FMN2: variants seen among roughly 807,000 people sequenced by gnomAD.
FMN2 encodes the protein formin-2.
Under a neutral mutation model 142.3 loss-of-function variants are expected in FMN2, and 51 were observed. The observed-to-expected ratio is 0.36, with a 90% confidence interval of 0.29 to 0.45. The LOEUF (loss-of-function observed/expected upper bound fraction) is 0.45, where lower values mean the gene tolerates loss of function less well. Ranked by LOEUF, FMN2 falls within the 20% of genes least tolerant of loss-of-function variation. The probability of loss-of-function intolerance (pLI) is 1.00; values close to 1 mark genes in which losing one functional copy is unlikely to be tolerated. For synonymous variants in FMN2, 882 were observed against 869.8 expected, an observed-to-expected ratio of 1.01 and a Z score of -0.25; for missense variants, 1,936 against 2,122.8, an observed-to-expected ratio of 0.91 and a Z score of 1.73.
intron 1 of FMN2, among the ~76,000 whole-genome samples, chr1:240,117,457 A>G (rs1036385691): frequency 6.6e-6 from 1 of 152,228 alleles, no homozygotes; most frequent in African/African-American, 2.4e-5. Context: ...CTGCGCCGAA[A>G]CAGGTCGTGG....
At chr1:240,181,312 A>C (rs185411101) in intron 3 of FMN2, among the ~76,000 whole-genome samples, 1 of 152,180 alleles carries the variant, frequency 6.6e-6, no homozygotes, top group East Asian at 1.9e-4. Flanking sequence ...CCTTTTTTCC[A>C]GCTCTTAAAA....
At chr1:240,143,208 A>T in intron 2 of FMN2, 1 of 1,590,858 alleles carries the variant, frequency 6.3e-7, no homozygotes, top group Non-Finnish European at 8.6e-7. Flanking sequence ...CACCATGCCC[A>T]TGGCAAAAAT....
At chr1:240,440,207 C>T (rs1294104921) in intron 16 of FMN2, among the ~76,000 whole-genome samples, 2 of 152,070 alleles carry the variant, frequency 1.3e-5, no homozygotes, top group Non-Finnish European at 2.9e-5. Context: ...TCGCTTTCTT[C>T]TGCTAGCATA....
Position 240,206,782 on chromosome 1 carries a change from T to C in FMN2, c.1987-17T>C. Reference sequence around the variant, plus strand: ...CTTATTTCATAACTAACTGTGTCTGTCCTTGTCGCCCTTCAGGAAGTTGTT... The same window carrying C: ...CTTATTTCATAACTAACTGTGTCTGCCCTTGTCGCCCTTCAGGAAGTTGTT... On this transcript the variant is annotated splice_polypyrimidine_tract_variant and intron_variant, in intron 4 of 17. Coordinates refer to ENST00000319653, the MANE Select transcript of FMN2 (RefSeq NM_020066.5). 1 of 1,599,502 alleles carries C rather than the reference T, an allele frequency of 6.3e-7. No individual in the cohort carries two copies. The highest frequency in any genetic ancestry group is 8.6e-7 in the Non-Finnish European group (1 of 1,169,404).
Position 240,372,957 on chromosome 1 carries a change from C to T in FMN2, c.4858+17049C>T, listed in dbSNP as rs182054789. 1.4e-4 allele frequency among the ~76,000 whole-genome samples: 22 copies of T among 152,214 alleles called. No homozygotes were observed. In the South Asian group the frequency reaches 1.7e-3, roughly 11 times the overall value. On this transcript the variant is annotated intron_variant, in intron 14 of 17. Transcript: ENST00000319653. ...ATCCCAGCACTCTGGGAGGCTGAGG[C>T]GGACAAATCATGAGGTCAGGTATAC...
chr1:240,266,102 A>G (rs1211611323), intron 7 of FMN2, among the ~76,000 whole-genome samples: 1 of 149,564 alleles, frequency 6.7e-6, no homozygotes, highest in African/African-American at 2.5e-5. Flanking sequence ...ATATTGCATG[A>G]TGCTAAGGTT....
intron 13 of FMN2, among the ~76,000 whole-genome samples, chr1:240,342,408 T>C (rs1671774647): frequency 6.6e-6 from 1 of 152,234 alleles, no homozygotes; most frequent in Non-Finnish European, 1.5e-5. Context: ...GTCTCATGAA[T>C]GTGCTGTAGT....
chr1:240,210,643 A>G (rs995269423), intron 5 of FMN2, among the ~76,000 whole-genome samples: 2 of 152,182 alleles, frequency 1.3e-5, no homozygotes, highest in Admixed American at 6.5e-5. Context: ...GCAGTCACTG[A>G]GAAGACAAAT....
intron 14 of FMN2, among the ~76,000 whole-genome samples, chr1:240,377,158 G>A (rs187630766): frequency 2.7e-4 from 41 of 152,116 alleles, no homozygotes; most frequent in African/African-American, 9.2e-4. Flanking sequence ...CTTTTCATTA[G>A]GTATCATTTT....
chr1:240,244,467 TC>T (rs1668014693), intron 6 of FMN2, among the ~76,000 whole-genome samples: 1 of 152,232 alleles, frequency 6.6e-6, no homozygotes, highest in Non-Finnish European at 1.5e-5. Context: ...TGTTTAAACT[TC>T]CGAATTAGCA....
At chr1:240,369,336 C>G (rs999703541) in intron 14 of FMN2, among the ~76,000 whole-genome samples, 10 of 152,248 alleles carry the variant, frequency 6.6e-5, no homozygotes, top group African/African-American at 2.4e-4. Flanking sequence ...GCTAATCTTA[C>G]CATTTGAATG....
Position 240,206,932 on chromosome 1 carries a change from G to A in FMN2, c.2120G>A (p.Gly707Asp). The change falls in exon 5 of 18, where the codon GGT (glycine) becomes GAT (aspartate). Residue 707 changes from glycine to aspartate, a missense_variant. Physicochemically the swap from Gly to Asp is moderately conservative, Grantham distance 94 (BLOSUM62 -1). Around this residue, in one of 8 missense-constraint regions of FMN2, gnomAD observed 478 missense variants for 462.8 expected, o/e 1.03. Transcript: ENST00000319653. ...YPALDTEVASGHQGLENGVTA... is the reference protein window; with the variant it reads ...YPALDTEVASDHQGLENGVTA... ...GCCCTGGACACAGAGGTGGCCAGTG[G>A]TCATCAAGGGCTTGAGAATGGAGTG... The A allele has an allele frequency of 6.2e-7, 1 of 1,614,172 alleles. No homozygotes were observed. The highest frequency in any genetic ancestry group is 8.5e-7 in the Non-Finnish European group (1 of 1,180,020).
chr1:240,416,262 C>CTTTTT (rs11417639), intron 15 of FMN2, among the ~76,000 whole-genome samples: 1,440 of 135,092 alleles, frequency 0.011, 36 homozygotes, highest in African/African-American at 0.039. Context: ...CCTTTCCACT[C>CTTTTT]TTTTTTTTTT....
At chr1:240,108,422 G>A (rs1329840884) in intron 1 of FMN2, among the ~76,000 whole-genome samples, 2 of 152,070 alleles carry the variant, frequency 1.3e-5, no homozygotes, top group Admixed American at 1.3e-4. Flanking sequence ...CCGTTAGTAT[G>A]TGAGATACAG....
At chr1:240,288,441 G>A (rs73122321) in intron 7 of FMN2, among the ~76,000 whole-genome samples, 1,576 of 152,080 alleles carry the variant, frequency 0.01, 24 homozygotes, top group African/African-American at 0.034. Flanking sequence ...AAAAACATTC[G>A]AATTAATGAA....
intron 7 of FMN2, among the ~76,000 whole-genome samples, chr1:240,272,906 G>A (rs966344246): frequency 1.3e-5 from 2 of 152,116 alleles, no homozygotes; most frequent in African/African-American, 4.8e-5. Flanking sequence ...ATTTAAATCA[G>A]ATAATTATAT....
chr1:240,226,419 A>T (rs183987119), intron 6 of FMN2, among the ~76,000 whole-genome samples: 3 of 152,230 alleles, frequency 2.0e-5, no homozygotes, highest in African/African-American at 4.8e-5. Context: ...TCAACCAGTC[A>T]TCTTACATCC....
intron 16 of FMN2, among the ~76,000 whole-genome samples, chr1:240,452,845 A>G (rs1572331217): frequency 6.6e-6 from 1 of 152,214 alleles, no homozygotes; most frequent in African/African-American, 2.4e-5. Context: ...TTTTTATGAC[A>G]GAAGCACTCA....
In FMN2 at chr1:240,211,108, T is replaced by A. The variant is rs1305291552; in HGVS notation, c.3938T>A (p.Leu1313His). 2 of 1,612,290 alleles carry A rather than the reference T, an allele frequency of 1.2e-6. No homozygotes were observed. The highest frequency in any genetic ancestry group is 3.3e-5 in the Admixed American group (2 of 59,816). Residue 1313 changes from leucine (L) to histidine (H), a missense_variant, in exon 6 of 18, where the codon CTT (leucine) becomes CAT (histidine). Coordinates refer to ENST00000319653, the MANE Select transcript of FMN2 (RefSeq NM_020066.5). The stretch of plus-strand genomic sequence containing the variant: ...AATTTTAGAGACTCCAGTACTTCAC[T>A]TATTTGGGAAAAAATTGAAGAGCCA... ...LHSKRDSSTSLIWEKIEEPSI... is the reference protein window; with the variant it reads ...LHSKRDSSTSHIWEKIEEPSI...
Sources: gnomAD v4.1 joint callset for allele counts (sites outside exome capture counted in the v4.1 genomes callset) on GRCh38, gnomAD v4.1.1 for gene constraint, gnomAD v4.1.1 regional missense constraint, MANE v1.5 for transcripts, NCBI Gene and HGNC (gene_info 2026-07-23, HGNC 2026-07-21) for gene names.